The following NEK10 variants were observed in gnomAD, a reference collection of about 807,000 sequenced individuals.
The protein encoded by NEK10 is NIMA related kinase 10.
NEK10 carries 122 observed loss-of-function variants against 159.8 expected under a neutral mutation model. The observed-to-expected ratio is 0.76, with a 90% CI of 0.66 to 0.89. The LOEUF (loss-of-function observed/expected upper bound fraction) is 0.89. Ranked by LOEUF, NEK10 falls within the 40% of genes least tolerant of loss-of-function variation. The pLI is 0.00. For missense variants in NEK10, 1,342 were observed against 1,323.1 expected (o/e 1.01, Z -0.22); for synonymous variants, 466 against 457.1 (o/e 1.02, Z -0.25).
intron 22 of NEK10, among the ~76,000 whole-genome samples, chr3:27,266,186 C>T (rs1331296262): frequency 1.3e-5 from 2 of 152,254 alleles, no homozygotes; most frequent in Non-Finnish European, 2.9e-5. Flanking sequence ...AAGTTTTAAA[C>T]TTTGACTAAG....
intron 23 of NEK10, among the ~76,000 whole-genome samples, chr3:27,231,244 T>C (rs1953229176): frequency 6.6e-6 from 1 of 151,778 alleles, no homozygotes. Context: ...GAAAATTAAA[T>C]AATGTGCTCT....
At chr3:27,162,215 T>C in intron 30 of NEK10, 1 of 539,930 alleles carries the variant, frequency 1.9e-6, no homozygotes, top group Non-Finnish European at 3.1e-6. Flanking sequence ...CTGGTTAACA[T>C]TCCCGCCACG....
chr3:27,353,787 A>T (rs2048138792), intron 1 of NEK10, among the ~76,000 whole-genome samples: 1 of 152,158 alleles, frequency 6.6e-6, no homozygotes, highest in Non-Finnish European at 1.5e-5. Context: ...TAAAGAAGCT[A>T]TTACAGGTAT....
At chr3:27,268,830 C>T (rs887462931) in intron 22 of NEK10, among the ~76,000 whole-genome samples, 50 of 152,260 alleles carry the variant, frequency 3.3e-4, no homozygotes, top group Admixed American at 3.3e-4. Context: ...ATAGTGACTC[C>T]TCTAATGGAT....
At chr3:27,226,372 A>AAGAT (rs2149182825) in intron 23 of NEK10, among the ~76,000 whole-genome samples, 1 of 152,186 alleles carries the variant, frequency 6.6e-6, no homozygotes, top group Non-Finnish European at 1.5e-5. Context: ...GAAAGAAAGA[A>AAGAT]AGAAAGACTG....
chr3:27,367,861 G>A (rs896034743), intron 1 of NEK10, among the ~76,000 whole-genome samples: 4 of 152,146 alleles, frequency 2.6e-5, no homozygotes, highest in African/African-American at 7.2e-5. Context: ...ATTACACACA[G>A]GAGAGAATGT....
chr3:27,296,274 T>G (rs2043347453), intron 14 of NEK10, among the ~76,000 whole-genome samples: 1 of 152,234 alleles, frequency 6.6e-6, no homozygotes, highest in Non-Finnish European at 1.5e-5. Flanking sequence ...TTTGCCTTAT[T>G]GCATCTAATC....
chr3:27,306,928 G>GTCTC (rs374422628), intron 11 of NEK10, among the ~76,000 whole-genome samples: 1 of 151,588 alleles, frequency 6.6e-6, no homozygotes, highest in African/African-American at 2.4e-5. Context: ...TTTTTATGTT[G>GTCTC]TCTCTCTCTC....
At position 27,332,349 on chromosome 3, in the gene NEK10, T is replaced by C. The variant is rs76937988; in HGVS notation, c.363-10088A>G. On this transcript the variant is annotated intron_variant, in intron 5 of 35. Coordinates refer to ENST00000691995, the MANE Select transcript of NEK10 (RefSeq NM_001394966.1). ...CATGATCCAATTCTTTCTTTACTTT[T>C]GATTTTGCAAGAAAAAGAGGTTTAT... 4.8e-3 allele frequency among the ~76,000 whole-genome samples: 730 copies of C among 152,342 alleles called. 5 individuals are homozygous for C. Among genetic ancestry groups the C allele is most frequent in the African/African-American group, 0.016 (681 of 41,584 alleles).
chr3:27,266,074 G>A (rs562146813), intron 22 of NEK10, among the ~76,000 whole-genome samples: 1 of 152,138 alleles, frequency 6.6e-6, no homozygotes, highest in East Asian at 1.9e-4. Flanking sequence ...CAAAGTGCTG[G>A]GATTACAGGC....
chr3:27,366,583 A>C (rs1207294582), intron 1 of NEK10, among the ~76,000 whole-genome samples: 1 of 152,022 alleles, frequency 6.6e-6, no homozygotes, highest in Non-Finnish European at 1.5e-5. Flanking sequence ...GCTCACCCTC[A>C]CTGGGCATGG....
At chr3:27,255,887 A>C (rs1174045636) in intron 23 of NEK10, among the ~76,000 whole-genome samples, 1 of 152,194 alleles carries the variant, frequency 6.6e-6, no homozygotes, top group Non-Finnish European at 1.5e-5. Context: ...CTTGCCCTGC[A>C]CTTGAATGTT....
intron 29 of NEK10, among the ~76,000 whole-genome samples, chr3:27,167,596 A>C (rs1434459875): frequency 6.6e-6 from 1 of 152,212 alleles, no homozygotes; most frequent in East Asian, 1.9e-4. Flanking sequence ...CAATGTGTAT[A>C]TACTAGGTCA....
rs552284117 is a variant in NEK10 at position 27,119,236 on chromosome 3, T to G, written c.3190+524A>C. Reference sequence around the variant, plus strand: ...AGAGAGGTTAAATAGTTGTCCATAGTCAGCTACTAAATGGTTTAGCCAAGA... The same window carrying G: ...AGAGAGGTTAAATAGTTGTCCATAGGCAGCTACTAAATGGTTTAGCCAAGA... On this transcript the variant is annotated intron_variant, in intron 33 of 35. Transcript: ENST00000691995. 3.3e-5 allele frequency among the ~76,000 whole-genome samples: 5 copies of G among 152,330 alleles called. No homozygotes were observed. In the South Asian group the frequency reaches 1.0e-3, roughly 32 times the overall value.
intron 9 of NEK10, 98 bp downstream of exon 9, chr3:27,310,851 C>G: frequency 1.5e-6 from 1 of 687,078 alleles, no homozygotes; most frequent in Non-Finnish European, 2.5e-6. Context: ...TTTGTGGATT[C>G]TAATTACACA....
chr3:27,184,025 C>T (rs1436486409), intron 26 of NEK10, among the ~76,000 whole-genome samples: 1 of 152,132 alleles, frequency 6.6e-6, no homozygotes, highest in Non-Finnish European at 1.5e-5. Context: ...CTATTTGGTG[C>T]TTTCTTTAAC....
intron 23 of NEK10, among the ~76,000 whole-genome samples, chr3:27,209,369 T>G (rs895436839): frequency 6.6e-6 from 1 of 152,240 alleles, no homozygotes; most frequent in African/African-American, 2.4e-5. Context: ...TATGGTTTTC[T>G]GCACTTACTT....
At chr3:27,250,376 C>T (rs186632045) in intron 23 of NEK10, among the ~76,000 whole-genome samples, 7 of 151,968 alleles carry the variant, frequency 4.6e-5, no homozygotes, top group South Asian at 4.2e-4. Context: ...TTAGTAGAGA[C>T]GGGGTTTCAC....
intron 33 of NEK10, among the ~76,000 whole-genome samples, chr3:27,117,289 T>C (rs186151067): frequency 2.0e-5 from 3 of 152,338 alleles, no homozygotes; most frequent in East Asian, 1.9e-4. Flanking sequence ...AATGAACATA[T>C]GTGTGCATGT....
Sources: allele counts gnomAD v4.1 joint callset (sites outside exome capture counted in the v4.1 genomes callset), GRCh38; gene constraint gnomAD v4.1.1; transcripts MANE v1.5; gene names NCBI Gene and HGNC (gene_info 2026-07-23, HGNC 2026-07-21).